Variants in STK11IP observed in about 807,000 individuals in gnomAD.
The protein encoded by STK11IP is serine/threonine kinase 11 interacting protein.
A neutral mutation model predicts 131.7 loss-of-function variants in STK11IP; 103 were observed. The observed-to-expected ratio is 0.78, with a 90% CI of 0.67 to 0.92. The LOEUF is 0.92. Ranked by LOEUF, STK11IP falls within the 40% of genes least tolerant of loss-of-function variation. The pLI is 0.00. For missense variants in STK11IP, 1,315 were observed against 1,385.7 expected (o/e 0.95, Z 0.81); for synonymous variants, 557 against 575.6 (o/e 0.97, Z 0.46).
chr2:219,602,192 A>G (rs1698009455), intron 5 of STK11IP, 109 bp downstream of exon 5: 4 of 824,976 alleles, frequency 4.8e-6, no homozygotes, highest in Admixed American at 4.2e-5. Context: ...GCTTCCCTCT[A>G]GACAGTGTCC....
intron 17 of STK11IP, 124 bp from the exon 18 acceptor site, chr2:219,611,480 G>A (rs549565817): frequency 1.2e-6 from 1 of 800,182 alleles, no homozygotes; most frequent in Non-Finnish European, 2.1e-6. Flanking sequence ...CGCGGTGGTT[G>A]TGTATGAAGC....
Position 219,598,174 on chromosome 2 carries a change from G to T in STK11IP, c.55G>T (p.Glu19Ter), listed in dbSNP as rs1697858558. ...LLWKLAGLLR[E>*]SGDVVLSGCS... ...GTGGAAGCTCGCGGGGTTGCTGCGG[G>T]AGTCCGGTGAGTGGACTTCCGGTTG... The change falls in exon 2 of 25, where the codon GAG (glutamate) becomes TAG (stop). Residue 19 changes from glutamate (E) to a stop codon, truncating the protein, a stop_gained. Coordinates refer to ENST00000456909, the MANE Select transcript of STK11IP (RefSeq NM_052902.4). LOFTEE classifies it high-confidence loss of function. 1 of 1,556,418 alleles carries T rather than the reference G, an allele frequency of 6.4e-7. No individual in the cohort carries two copies. The highest frequency in any genetic ancestry group is 1.7e-4 in the Middle Eastern group (1 of 5,964).
intron 23 of STK11IP, chr2:219,614,884 C>T: frequency 1.6e-6 from 1 of 638,930 alleles, no homozygotes; most frequent in Non-Finnish European, 2.7e-6. Flanking sequence ...GGGTGTGGGG[C>T]AGTGGGGGGC....
chr2:219,602,057 T>G lies in STK11IP; in HGVS notation c.412T>G (p.Cys138Gly), dbSNP rs1285155253. Residue 138 changes from cysteine (C) to glycine (G), a missense_variant, in exon 5 of 25, where the codon TGC becomes GGC. Transcript: ENST00000456909. ...GIYSQLETLI[C>G]SRSLQALEEL... ...CTACTCCCAGCTGGAGACCCTGATT[T>G]GCAGCAGGAGCCTCCAGGCATTAGA... 1 of 1,609,424 alleles carries G rather than the reference T, an allele frequency of 6.2e-7. No homozygotes were observed. Among genetic ancestry groups the G allele is most frequent in the Admixed American group, 1.7e-5 (1 of 59,378 alleles).
chr2:219,615,475 A>C, intron 24 of STK11IP, 134 bp downstream of exon 24: 2 of 1,239,986 alleles, frequency 1.6e-6, no homozygotes, highest in East Asian at 2.5e-5. Context: ...AGATGAGAGA[A>C]CTAGGGTTGG....
At position 219,599,413 on chromosome 2, in the gene STK11IP, G is replaced by A. The variant is rs1352670074; in HGVS notation, c.61+1233G>A. Among the ~76,000 whole-genome samples the A allele has an allele frequency of 5.3e-5, 8 of 152,188 alleles. No homozygotes were observed. In the East Asian group the frequency reaches 1.3e-3, roughly 26 times the overall value. On this transcript the variant is annotated intron_variant, in intron 2 of 24. Transcript: ENST00000456909. ...CAGTAGCAGTTTCATTTCCTGGCTT[G>A]TATTGATAACTTTGCAAATGTCTTA...
At position 219,606,257 on chromosome 2, in the gene STK11IP, C is replaced by T. The variant is rs1698152330; in HGVS notation, c.912C>T (p.Tyr304=). Residue 304 remains tyrosine (Y), a synonymous_variant, in exon 10 of 25, where the codon TAC becomes TAT. Coordinates refer to ENST00000456909, the MANE Select transcript of STK11IP (RefSeq NM_052902.4). ...AGCACCGAGCAGCCACTGCCCAGTACTTGTCACCCCGGGCCAGGGATGCTG... is the reference window on the plus strand; with the variant it reads ...AGCACCGAGCAGCCACTGCCCAGTATTTGTCACCCCGGGCCAGGGATGCTG... The part of the protein sequence containing the change: ...HPEHRAATAQ[Y]LSPRARDAAT... 1.9e-6 allele frequency: 3 copies of T among 1,572,220 alleles called. No homozygotes were observed. The highest frequency in any genetic ancestry group is 2.6e-6 in the Non-Finnish European group (3 of 1,158,456).
Position 219,606,860 on chromosome 2 carries a change from T to G in STK11IP, c.1134+2T>G. On this transcript the variant is annotated splice_donor_variant, in intron 12 of 24. Transcript: ENST00000456909. LOFTEE classifies it high-confidence loss of function. ...CAGCCCCTGCTTCATAAGGTTAAGGTAAGCAGCGTCCTCCGCTGCCTTGTG... is the reference window on the plus strand; with the variant it reads ...CAGCCCCTGCTTCATAAGGTTAAGGGAAGCAGCGTCCTCCGCTGCCTTGTG... 6.2e-7 allele frequency: 1 copy of G among 1,608,082 alleles called. No individual in the cohort carries two copies. The highest frequency in any genetic ancestry group is 8.5e-7 in the Non-Finnish European group (1 of 1,176,368).
intron 2 of STK11IP, among the ~76,000 whole-genome samples, chr2:219,599,926 CG>C (rs1384307881): frequency 4.6e-5 from 7 of 151,648 alleles, no homozygotes; most frequent in Non-Finnish European, 7.4e-5. Flanking sequence ...TTAGTAGAGA[CG>C]GGGTTTCACC....
chr2:219,599,308 T>C (rs1697901234), intron 2 of STK11IP, among the ~76,000 whole-genome samples: 1 of 152,120 alleles, frequency 6.6e-6, no homozygotes, highest in Non-Finnish European at 1.5e-5. Flanking sequence ...AGGTTGGTCT[T>C]GAACTCCTGA....
rs1698538572 is a variant in STK11IP at position 219,615,266 on chromosome 2, G to A, written c.3042G>A (p.Gln1014=). ...CTGCTGTGCGTGTCAGGGAGCAGCAGCCACTCAGCAGCCTGAGCTCCGTGC... is the reference window on the plus strand; with the variant it reads ...CTGCTGTGCGTGTCAGGGAGCAGCAACCACTCAGCAGCCTGAGCTCCGTGC... ...PGPAVRVREQ[Q]PLSSLSSVLL... Residue 1014 remains glutamine (Q), a synonymous_variant, in exon 24 of 25, where the codon CAG becomes CAA. Transcript: ENST00000456909. 8 of 1,599,004 alleles carry A rather than the reference G, an allele frequency of 5.0e-6. No homozygotes were observed. In the East Asian group the frequency reaches 1.8e-4, roughly 36 times the overall value.
Position 219,606,775 on chromosome 2 carries a change from C to A in STK11IP, c.1051C>A (p.Pro351Thr), listed in dbSNP as rs1228691454. ...TTTGCCCTGGCCAGTGGGGAGTACT[C>A]CTGAAACCTCAGGTGGCCCTGACCT... Reference protein sequence around the residue: ...PPLPWPVGSTPETSGGPDLSD... With the variant: ...PPLPWPVGSTTETSGGPDLSD... The change falls in exon 12 of 25, where the codon CCT becomes ACT. Residue 351 changes from proline (P) to threonine (T), a missense_variant. Transcript: ENST00000456909. 14 of 1,613,744 alleles carry A rather than the reference C, an allele frequency of 8.7e-6. No individual in the cohort carries two copies. The highest frequency in any genetic ancestry group is 1.2e-5 in the Non-Finnish European group (14 of 1,179,878).
At chr2:219,614,090 A>G in intron 21 of STK11IP, 71 bp from the exon 22 acceptor site, 3 of 1,576,178 alleles carry the variant, frequency 1.9e-6, no homozygotes, top group Non-Finnish European at 2.6e-6. Flanking sequence ...ATAGGAAGGG[A>G]TTGAGAGGTG....
At chr2:219,614,333 C>A (rs2305052) in intron 22 of STK11IP, 91 bp downstream of exon 22, 423,650 of 1,550,582 alleles carry the variant, frequency 0.27, 61,093 homozygotes, top group Middle Eastern at 0.36. Context: ...AGGTCCTGGG[C>A]AGCCACCTGT....
chr2:219,606,590 C>G, intron 11 of STK11IP, 73 bp downstream of exon 11: 1 of 1,607,796 alleles, frequency 6.2e-7, no homozygotes, highest in Non-Finnish European at 8.5e-7. Context: ...GAACAGAGGG[C>G]TGGCTGGTGA....
chr2:219,602,043 TG>T lies in STK11IP; in HGVS notation c.400del (p.Glu134ArgfsTer3). ...LHGLRGIYSQ[L>X]ETLICSRSLQ... is the part of the protein sequence containing the mutation. ...GGCCTCCGAGGCATCTACTCCCAGC[TG>T]GAGACCCTGATTTGCAGCAGGAGCC... On this transcript the variant is annotated frameshift_variant, in exon 5 of 25. Coordinates refer to ENST00000456909, the MANE Select transcript of STK11IP (RefSeq NM_052902.4). LOFTEE classifies it high-confidence loss of function. 6.2e-7 allele frequency: 1 copy of T among 1,611,082 alleles called. No homozygotes were observed. The highest frequency in any genetic ancestry group is 8.5e-7 in the Non-Finnish European group (1 of 1,178,790).
At position 219,606,214 on chromosome 2, in the gene STK11IP, C is replaced by T; in HGVS notation, c.869C>T (p.Pro290Leu). ...CCTCAGCTCTACCTGGAGGGGAACCCTCTTTGGTTCCACCCTGAGCACCGA... is the reference window on the plus strand; with the variant it reads ...CCTCAGCTCTACCTGGAGGGGAACCTTCTTTGGTTCCACCCTGAGCACCGA... ...ELRKLYLEGNPLWFHPEHRAA... is the reference protein window; with the variant it reads ...ELRKLYLEGNLLWFHPEHRAA... The change falls in exon 10 of 25, where the codon CCT becomes CTT. Residue 290 changes from proline (P) to leucine (L), a missense_variant. Physicochemically the swap from Pro to Leu is moderately conservative, Grantham distance 98. Coordinates refer to ENST00000456909, the MANE Select transcript of STK11IP (RefSeq NM_052902.4). 1.3e-6 allele frequency: 2 copies of T among 1,568,070 alleles called. No individual in the cohort carries two copies. The highest frequency in any genetic ancestry group is 1.2e-5 in the South Asian group (1 of 85,272).
At position 219,601,622 on chromosome 2, in the gene STK11IP, GTTTT is replaced by G; in HGVS notation, c.268-7_268-4del. On this transcript the variant is annotated splice_polypyrimidine_tract_variant and intron_variant, in intron 3 of 24. Coordinates refer to ENST00000456909, the MANE Select transcript of STK11IP (RefSeq NM_052902.4). ...GATCTGCTGTGCCTCAGTAAATTGAGTTTTTTTTTTTTTTTCAGCTGGTCCATGT... is the reference window on the plus strand; with the variant it reads ...GATCTGCTGTGCCTCAGTAAATTGAGTTTTTTTTTTTCAGCTGGTCCATGT... The G allele has an allele frequency of 6.7e-7, 1 of 1,491,004 alleles. No homozygotes were observed. Among genetic ancestry groups the G allele is most frequent in the Admixed American group, 2.2e-5 (1 of 45,600 alleles). The allele number at this position is 1,491,004 out of a possible 1,614,324, so 92.4% of individuals were successfully genotyped here.
intron 19 of STK11IP, among the ~76,000 whole-genome samples, chr2:219,612,880 C>T (rs1055106736): frequency 2.0e-5 from 3 of 152,094 alleles, no homozygotes; most frequent in Non-Finnish European, 2.9e-5. Flanking sequence ...GTTAGTCTGG[C>T]GGAGCGTGGA....
Sources: gnomAD v4.1 joint callset for allele counts (sites outside exome capture counted in the v4.1 genomes callset) on GRCh38, gnomAD v4.1.1 for gene constraint, MANE v1.5 for transcripts, NCBI Gene and HGNC (gene_info 2026-07-23, HGNC 2026-07-21) for gene names.